The following ASTN2 variants were observed in gnomAD, a reference collection of about 807,000 sequenced individuals.
ASTN2 encodes the protein astrotactin-2.
A neutral mutation model predicts 139.8 loss-of-function variants in ASTN2; 54 were observed. The ratio of observed to expected loss-of-function variants is 0.39; its 90% CI spans 0.31 to 0.48. ASTN2 has a LOEUF of 0.48. Ranked by LOEUF, ASTN2 falls within the 20% of genes least tolerant of loss-of-function variation. The pLI is 0.95. For synonymous variants in ASTN2, 756 were observed against 719.5 expected (o/e 1.05, Z -0.81); for missense variants, 1,565 against 1,725.1 (o/e 0.91, Z 1.64).
chr9:117,136,507 A>C (rs1037137311), intron 4 of ASTN2, among the ~76,000 whole-genome samples: 3 of 152,132 alleles, frequency 2.0e-5, no homozygotes, highest in African/African-American at 4.8e-5. Flanking sequence ...CTTTAAGAAG[A>C]CTTCATTTCA....
intron 19 of ASTN2, chr9:116,612,534 T>G (rs1855599697): frequency 6.6e-6 from 1 of 152,184 alleles, no homozygotes; most frequent in Non-Finnish European, 1.5e-5. Flanking sequence ...CAGAACACAG[T>G]GCAATCAAAC....
intron 1 of ASTN2, among the ~76,000 whole-genome samples, chr9:117,406,572 A>G (rs554441272): frequency 1.9e-4 from 29 of 152,028 alleles, no homozygotes; most frequent in Non-Finnish European, 3.8e-4. Flanking sequence ...CTCCTAAGCT[A>G]GATAATCAGC....
intron 20 of ASTN2, among the ~76,000 whole-genome samples, chr9:116,474,804 C>G (rs181382515): frequency 1.1e-4 from 16 of 152,300 alleles, no homozygotes; most frequent in Non-Finnish European, 1.8e-4. Flanking sequence ...GCCCAAGGCC[C>G]CAGGTGGATG....
chr9:117,106,614 A>T (rs10983524), intron 4 of ASTN2, among the ~76,000 whole-genome samples: 1,998 of 152,336 alleles, frequency 0.013, 46 homozygotes, highest in African/African-American at 0.045. Flanking sequence ...AAAATAAGAA[A>T]GGCACAAAGA....
At chr9:116,899,010 G>T (rs371287879) in intron 10 of ASTN2, among the ~76,000 whole-genome samples, 7 of 152,204 alleles carry the variant, frequency 4.6e-5, no homozygotes, top group African/African-American at 1.7e-4. Flanking sequence ...TGAGGTTCCT[G>T]CCTAACCCCC....
intron 6 of ASTN2, among the ~76,000 whole-genome samples, chr9:117,021,405 T>C (rs1837875139): frequency 6.6e-6 from 1 of 152,102 alleles, no homozygotes; most frequent in African/African-American, 2.4e-5. Context: ...AGCCAAACCA[T>C]GGTTTATGAA....
At chr9:116,800,098 T>C (rs1588302868) in intron 13 of ASTN2, among the ~76,000 whole-genome samples, 1 of 152,332 alleles carries the variant, frequency 6.6e-6, no homozygotes, top group Non-Finnish European at 1.5e-5. Flanking sequence ...ATTTTGATTT[T>C]TGTATGAACT....
Position 116,733,443 on chromosome 9 carries a change from C to A in ASTN2, c.2477G>T (p.Arg826Leu). The change falls in exon 14 of 23, where the codon CGG becomes CTG. Residue 826 changes from arginine (R) to leucine (L), a missense_variant. This residue lies in a region of ASTN2 where 503 missense variants were observed against 591.7 expected (regional missense o/e 0.85). Coordinates refer to ENST00000313400, the MANE Select transcript of ASTN2 (RefSeq NM_001365068.1). Reference protein sequence around the residue: ...VIPLPVEEQCRGVLSEPLPDL... With the variant: ...VIPLPVEEQCLGVLSEPLPDL... ...TGGAAGGGGCTCGGAGAGGACCCCCCGGCACTGCTCCTCCACCGGCAGCGG... is the reference window on the plus strand; with the variant it reads ...TGGAAGGGGCTCGGAGAGGACCCCCAGGCACTGCTCCTCCACCGGCAGCGG... The A allele has an allele frequency of 6.2e-7, 1 of 1,614,116 alleles. No individual in the cohort carries two copies. Among genetic ancestry groups the A allele is most frequent in the Non-Finnish European group, 8.5e-7 (1 of 1,180,016 alleles).
chr9:117,087,612 T>C (rs2132737330), intron 5 of ASTN2, among the ~76,000 whole-genome samples: 1 of 152,330 alleles, frequency 6.6e-6, no homozygotes, highest in African/African-American at 2.4e-5. Flanking sequence ...CAGGCACTGA[T>C]GTGCTGTAAC....
chr9:116,425,691 T>G lies in ASTN2; in HGVS notation c.*160A>C. On this transcript the variant is annotated 3_prime_UTR_variant, in exon 23 of 23. Transcript: ENST00000313400. ...ATTGGTTACAAAGGTCTCTGTCCAC[T>G]ATCCACAGGAGAAACCGTTTGCTTT... 1 of 1,608,176 alleles carries G rather than the reference T, an allele frequency of 6.2e-7. No homozygotes were observed. The highest frequency in any genetic ancestry group is 8.5e-7 in the Non-Finnish European group (1 of 1,178,088).
chr9:116,861,214 TACACACACACACACAC>T lies in ASTN2; in HGVS notation c.2040+2353_2040+2368del, dbSNP rs60909208. ...AAGACAAAGAGAGACAAGCCCAAGC[TACACACACACACACAC>T]ACACACACACACACACACACACACA... is the stretch of plus-strand genomic sequence containing the variant. On this transcript the variant is annotated intron_variant, in intron 11 of 22. Transcript: ENST00000313400. Among the ~76,000 whole-genome samples, 67 of 143,756 alleles carry T rather than the reference TACACACACACACACAC, an allele frequency of 4.7e-4. 1 individual carries two copies. Among genetic ancestry groups the T allele is most frequent in the Admixed American group, 1.4e-3 (20 of 14,536 alleles). The allele number at this position is 143,756 out of a possible 152,430, so 94.3% of individuals were successfully genotyped here.
chr9:117,200,233 C>T (rs1588070501), intron 3 of ASTN2, among the ~76,000 whole-genome samples: 2 of 141,852 alleles, frequency 1.4e-5, no homozygotes, highest in East Asian at 4.8e-4. Flanking sequence ...CCTCCCCCCT[C>T]CCCCTACCCA....
chr9:116,521,814 A>AAACC (rs1195389661), intron 19 of ASTN2, among the ~76,000 whole-genome samples: 4 of 151,512 alleles, frequency 2.6e-5, no homozygotes, highest in Non-Finnish European at 5.9e-5. Flanking sequence ...CAAGAAAAAC[A>AAACC]AACAAACAAA....
Position 117,086,216 on chromosome 9 carries a change from T to C in ASTN2, c.1276+9828A>G, listed in dbSNP as rs560918495. On this transcript the variant is annotated intron_variant, in intron 5 of 22. Coordinates refer to ENST00000313400, the MANE Select transcript of ASTN2 (RefSeq NM_001365068.1). ...ATATTCTACCTTGCTGGTCTACAGA[T>C]AGGAAACTGAGGCCCAAAGCCTTGC... is the stretch of plus-strand genomic sequence containing the variant. 3.6e-4 allele frequency among the ~76,000 whole-genome samples: 55 copies of C among 152,276 alleles called. No homozygotes were observed. The South Asian group carries it at 0.011, about 31-fold the overall frequency.
chr9:116,931,886 A>T (rs1834907573), intron 10 of ASTN2, among the ~76,000 whole-genome samples: 1 of 152,138 alleles, frequency 6.6e-6, no homozygotes, highest in African/African-American at 2.4e-5. Context: ...ATCCAGGTAA[A>T]TGAACGTAGG....
intron 16 of ASTN2, among the ~76,000 whole-genome samples, chr9:116,710,962 G>A (rs748691964): frequency 5.9e-4 from 90 of 152,310 alleles, no homozygotes; most frequent in Middle Eastern, 3.4e-3. Flanking sequence ...GAATGTCATG[G>A]CCTGAAAGGA....
intron 2 of ASTN2, among the ~76,000 whole-genome samples, chr9:117,228,526 G>A (rs999450191): frequency 2.0e-5 from 3 of 151,240 alleles, no homozygotes; most frequent in Non-Finnish European, 4.4e-5. Context: ...TAGTTACTAG[G>A]GGCAGAGAGT....
intron 4 of ASTN2, among the ~76,000 whole-genome samples, chr9:117,128,472 A>AATTG (rs3984937): frequency 0.86 from 130,926 of 151,442 alleles, 58,654 homozygotes; most frequent in Non-Finnish European, 0.98. Flanking sequence ...CTATAAGGGC[A>AATTG]ATTGGGGAGG....
At chr9:117,402,783 G>A (rs78543755) in intron 1 of ASTN2, among the ~76,000 whole-genome samples, 2,843 of 152,050 alleles carry the variant, frequency 0.019, 44 homozygotes, top group Non-Finnish European at 0.03. Flanking sequence ...GAGTGGGGTG[G>A]GGTGGTGGTG....
Sources: allele counts gnomAD v4.1 joint callset (sites outside exome capture counted in the v4.1 genomes callset), GRCh38; gene constraint gnomAD v4.1.1; regional missense constraint gnomAD v4.1.1; transcripts MANE v1.5; gene names NCBI Gene and HGNC (gene_info 2026-07-23, HGNC 2026-07-21).